The following PIGT variants were observed in gnomAD, a reference collection of about 807,000 sequenced individuals.
PIGT encodes the protein GPI-anchor transamidase component PIGT.
Under a neutral mutation model 66.7 loss-of-function variants are expected in PIGT, and 57 were observed. The ratio of observed to expected loss-of-function variants is 0.86; its 90% CI spans 0.69 to 1.07. The LOEUF is 1.07. Among genes scored for constraint, PIGT ranks in the 50% least tolerant of loss-of-function variants. The pLI, the probability that PIGT is intolerant of heterozygous loss-of-function variation, is 0.00. For missense variants in PIGT, 725 were observed against 740.4 expected (o/e 0.98, Z 0.24); for synonymous variants, 362 against 320.5 (o/e 1.13, Z -1.38).
At chr20:45,421,279 C>CG (rs1990346384) in intron 8 of PIGT, 104 bp from the exon 9 acceptor site, 1 of 962,196 alleles carries the variant, frequency 1.0e-6, no homozygotes, top group South Asian at 1.7e-5. Flanking sequence ...GGGCTGTTCC[C>CG]CATCTACTCA....
chr20:45,423,814 C>T (rs1033803338), intron 9 of PIGT: 2 of 210,426 alleles, frequency 9.5e-6, no homozygotes, highest in African/African-American at 4.5e-5. Flanking sequence ...ACACACCCCT[C>T]CTCTCCTATA....
chr20:45,424,604 AAC>A (rs758901559), intron 11 of PIGT, 25 bp downstream of exon 11: 2 of 1,585,958 alleles, frequency 1.3e-6, no homozygotes, highest in Admixed American at 3.3e-5. Flanking sequence ...ACTCACTGAT[AAC>A]ACATCCTCAG....
Position 45,426,122 on chromosome 20 carries a change from A to G in PIGT, c.*296A>G. The G allele has an allele frequency of 2.2e-6, 1 of 456,094 alleles. No individual in the cohort carries two copies. The allele number at this position is 456,094 out of a possible 1,614,324, so 28.3% of individuals were successfully genotyped here. On this transcript the variant is annotated 3_prime_UTR_variant, in exon 12 of 12. Coordinates refer to ENST00000279036, the MANE Select transcript of PIGT (RefSeq NM_015937.6). The stretch of plus-strand genomic sequence containing the variant: ...TTGGACAGCACAGAAAAAGATTTCC[A>G]TCACCACAGAAAGGTCGGCTGGCAG...
In PIGT at chr20:45,419,037, C is replaced by T. The variant is rs187655921; in HGVS notation, c.493+58C>T. 8.7e-6 allele frequency: 14 copies of T among 1,603,432 alleles called. No homozygotes were observed. In the Admixed American group the frequency reaches 1.5e-4, roughly 17 times the overall value. On this transcript the variant is annotated intron_variant, in intron 3 of 11. Transcript: ENST00000279036. ...CTCTTACCTCCTGCCCAAACCTTTG[C>T]CTCCTTTTCCCTCAGTTTCCTGCTT...
chr20:45,421,804 T>A, intron 9 of PIGT: 1 of 569,948 alleles, frequency 1.8e-6, no homozygotes, highest in South Asian at 2.1e-5. Context: ...ATAATACTGG[T>A]GATTCTTAAT....
intron 8 of PIGT, chr20:45,421,104 C>T (rs991817955): frequency 2.2e-5 from 12 of 535,930 alleles, no homozygotes; most frequent in Non-Finnish European, 3.7e-5. Context: ...GTTCCCTTAC[C>T]AAGGGAAAGA....
intron 9 of PIGT, chr20:45,422,296 G>A (rs1990413934): frequency 6.6e-6 from 1 of 152,040 alleles, no homozygotes; most frequent in African/African-American, 2.4e-5. Context: ...ACCATTATTT[G>A]TACCACCTTC....
At chr20:45,420,085 G>C (rs763887133) in intron 5 of PIGT, 51 bp from the exon 6 acceptor site, 2 of 1,298,264 alleles carry the variant, frequency 1.5e-6, no homozygotes, top group Admixed American at 1.8e-5. Flanking sequence ...TTTGGGGGCT[G>C]TGTGGTGAGA....
chr20:45,420,353 T>C lies in PIGT; in HGVS notation c.791T>C (p.Phe264Ser), dbSNP rs1377614261. Residue 264 changes from phenylalanine (F) to serine (S), a missense_variant, in exon 7 of 12, where the codon TTC (phenylalanine) becomes TCC (serine). By Grantham distance (155) the Phe-to-Ser change is radical. Transcript: ENST00000279036. ...GKKDWSLFRMFSRTLTEPCPL... is the reference protein window; with the variant it reads ...GKKDWSLFRMSSRTLTEPCPL... Reference sequence around the variant, plus strand: ...TCAGACTGGTCCCTCTTCCGGATGTTCTCCCGAACCCTCACGGAGCCCTGC... The same window carrying C: ...TCAGACTGGTCCCTCTTCCGGATGTCCTCCCGAACCCTCACGGAGCCCTGC... 6.2e-7 allele frequency: 1 copy of C among 1,613,284 alleles called. No individual in the cohort carries two copies. Among genetic ancestry groups the C allele is most frequent in the Non-Finnish European group, 8.5e-7 (1 of 1,179,758 alleles).
At chr20:45,423,038 C>G (rs1487555771) in intron 9 of PIGT, 1 of 148,786 alleles carries the variant, frequency 6.7e-6, no homozygotes, top group Non-Finnish European at 1.5e-5. Flanking sequence ...GAGGCTCCCC[C>G]TACCTATACA....
At chr20:45,424,000 TAAC>T (rs1055706399) in intron 9 of PIGT, 40 of 581,028 alleles carry the variant, frequency 6.9e-5, no homozygotes, top group Non-Finnish European at 6.2e-6. Flanking sequence ...GCAGCACTCC[TAAC>T]AACCTCTCTT....
chr20:45,420,548 G>A lies in PIGT; in HGVS notation c.888G>A (p.Val296=). The A allele has an allele frequency of 6.2e-7, 1 of 1,613,764 alleles. No homozygotes were observed. The highest frequency in any genetic ancestry group is 8.5e-7 in the Non-Finnish European group (1 of 1,180,000). ...CCCAGGACAACGAGACATTAGAGGTGCACCCACCCCCGACCACTACATATC... is the reference window on the plus strand; with the variant it reads ...CCCAGGACAACGAGACATTAGAGGTACACCCACCCCCGACCACTACATATC... ...TYNQDNETLE[V]HPPPTTTYQD... Residue 296 remains valine, a synonymous_variant, in exon 8 of 12, where the codon GTG becomes GTA. Transcript: ENST00000279036.
Position 45,420,324 on chromosome 20 carries a change from T to C in PIGT, c.770-8T>C, listed in dbSNP as rs1342719867. The C allele has an allele frequency of 6.2e-7, 1 of 1,611,374 alleles. No individual in the cohort carries two copies. The highest frequency in any genetic ancestry group is 1.1e-5 in the South Asian group (1 of 90,496). ...GGCCCCTGCTCAGCCCTGCGCTCTG[T>C]TTCTCAGACTGGTCCCTCTTCCGGA... is the stretch of plus-strand genomic sequence containing the variant. On this transcript the variant is annotated splice_polypyrimidine_tract_variant and splice_region_variant and intron_variant, in intron 6 of 11. Coordinates refer to ENST00000279036, the MANE Select transcript of PIGT (RefSeq NM_015937.6).
At chr20:45,421,080 T>C (rs1990331171) in intron 8 of PIGT, 1 of 518,678 alleles carries the variant, frequency 1.9e-6, no homozygotes, top group Non-Finnish European at 3.4e-6. Flanking sequence ...GTTAATTAAT[T>C]ACAGTTGTGT....
At position 45,424,368 on chromosome 20, in the gene PIGT, G is replaced by A. The variant is rs1990577143; in HGVS notation, c.1387G>A (p.Gly463Ser). ...CGAGTACACGCCAGATCCTAACCAT[G>A]GCTTCTATGTCAGGTGGGCTCCACC... ...WTEYTPDPNH[G>S]FYVSPSVLSA... The change falls in exon 10 of 12, where the codon GGC becomes AGC. Residue 463 changes from glycine to serine, a missense_variant. Transcript: ENST00000279036. The A allele has an allele frequency of 6.2e-7, 1 of 1,614,026 alleles. No individual in the cohort carries two copies. The highest frequency in any genetic ancestry group is 8.5e-7 in the Non-Finnish European group (1 of 1,180,034).
intron 9 of PIGT, 35 bp downstream of exon 9, chr20:45,421,618 C>A: frequency 6.3e-7 from 1 of 1,577,114 alleles, no homozygotes; most frequent in Non-Finnish European, 8.7e-7. Context: ...GCCCCCAGCC[C>A]GCCCTCTCAT....
intron 5 of PIGT, 68 bp from the exon 6 acceptor site, chr20:45,420,068 G>T: frequency 9.3e-7 from 1 of 1,077,410 alleles, no homozygotes; most frequent in South Asian, 1.3e-5. Context: ...GTCTGAGTAG[G>T]AGTCTTTTTG....
intron 5 of PIGT, 95 bp downstream of exon 5, chr20:45,419,685 A>G (rs1217187504): frequency 3.4e-6 from 3 of 871,012 alleles, no homozygotes; most frequent in Non-Finnish European, 5.9e-6. Context: ...CTGAGTGAGT[A>G]CTGAGTGGTA....
chr20:45,416,653 A>T lies in PIGT; in HGVS notation c.324A>T (p.Ser108=). The part of the protein sequence containing the change: ...YWGPPFLQAP[S]GAELWVWFQD... Reference sequence around the variant, plus strand: ...GGCCACCCTTCCTGCAGGCCCCATCAGGTGCAGAGCTGTGGGTCTGGTTCC... The same window carrying T: ...GGCCACCCTTCCTGCAGGCCCCATCTGGTGCAGAGCTGTGGGTCTGGTTCC... Residue 108 remains serine, a synonymous_variant, in exon 2 of 12, where the codon TCA becomes TCT. Coordinates refer to ENST00000279036, the MANE Select transcript of PIGT (RefSeq NM_015937.6). 6.2e-7 allele frequency: 1 copy of T among 1,614,066 alleles called. No individual in the cohort carries two copies. Among genetic ancestry groups the T allele is most frequent in the Non-Finnish European group, 8.5e-7 (1 of 1,180,010 alleles).
Sources: gnomAD v4.1 joint callset for allele counts on GRCh38, gnomAD v4.1.1 for gene constraint, MANE v1.5 for transcripts, NCBI Gene and HGNC (gene_info 2026-07-23, HGNC 2026-07-21) for gene names.